The following POFUT3 variants were observed in gnomAD, a reference collection of about 807,000 sequenced individuals.
POFUT3 encodes protein O-fucosyltransferase 3.
At chr8:33,320,021 T>C in the POFUT3 span, among the ~76,000 whole-genome samples, 1 of 151,530 alleles carries the variant, frequency 6.6e-6, no homozygotes, top group African/African-American at 2.4e-5. Flanking sequence ...ATCCTCTGCT[T>C]ATAGCTTTGT....
At chr8:33,328,958 A>G in the POFUT3 span, among the ~76,000 whole-genome samples, 1 of 152,090 alleles carries the variant, frequency 6.6e-6, no homozygotes, top group African/African-American at 2.4e-5. Context: ...AAATTCTCTC[A>G]TTTTACCTAA....
the POFUT3 span, among the ~76,000 whole-genome samples, chr8:33,334,012 C>T: frequency 6.6e-6 from 1 of 152,284 alleles, no homozygotes; most frequent in East Asian, 1.9e-4. Flanking sequence ...GACAATCCAA[C>T]ATGCACTAAG....
At chr8:33,415,629 C>G in the POFUT3 span, among the ~76,000 whole-genome samples, 1 of 152,146 alleles carries the variant, frequency 6.6e-6, no homozygotes, top group Non-Finnish European at 1.5e-5. Flanking sequence ...AATCTTCAGA[C>G]TTGGTTTCAT....
chr8:33,444,243 T>C, the POFUT3 span, among the ~76,000 whole-genome samples: 1 of 152,024 alleles, frequency 6.6e-6, no homozygotes, highest in Non-Finnish European at 1.5e-5. Context: ...AAATGTCATC[T>C]GGGCACAGAT....
chr8:33,401,321 G>A, the POFUT3 span, among the ~76,000 whole-genome samples: 1 of 152,006 alleles, frequency 6.6e-6, no homozygotes, highest in African/African-American at 2.4e-5. Flanking sequence ...GTCATTAAAT[G>A]GTGTGTTGAT....
chr8:33,436,000 G>A, the POFUT3 span, among the ~76,000 whole-genome samples: 1 of 152,100 alleles, frequency 6.6e-6, no homozygotes, highest in Non-Finnish European at 1.5e-5. Context: ...AGGCAGGGAG[G>A]AGACAGCACA....
the POFUT3 span, among the ~76,000 whole-genome samples, chr8:33,448,873 T>A: frequency 6.6e-5 from 10 of 151,720 alleles, no homozygotes; most frequent in Admixed American, 4.6e-4. Flanking sequence ...GGCGGAGGTT[T>A]CAGTGAGCTG....
chr8:33,333,454 C>T, the POFUT3 span, among the ~76,000 whole-genome samples: 1 of 152,040 alleles, frequency 6.6e-6, no homozygotes, highest in Non-Finnish European at 1.5e-5. Flanking sequence ...AGAATAATCC[C>T]AAACACAATA....
At chr8:33,386,575 C>T in the POFUT3 span, among the ~76,000 whole-genome samples, 1 of 152,186 alleles carries the variant, frequency 6.6e-6, no homozygotes, top group Non-Finnish European at 1.5e-5. Flanking sequence ...CTTTGTGAGG[C>T]TGAGGCGGGA....
the POFUT3 span, among the ~76,000 whole-genome samples, chr8:33,464,815 T>C: frequency 2.0e-5 from 3 of 152,020 alleles, no homozygotes; most frequent in Non-Finnish European, 2.9e-5. Flanking sequence ...AGAAATACTA[T>C]AAAATTACCA....
At chr8:33,409,152 G>C in the POFUT3 span, among the ~76,000 whole-genome samples, 2 of 152,106 alleles carry the variant, frequency 1.3e-5, no homozygotes, top group African/African-American at 4.8e-5. Context: ...GCCCAGGCTG[G>C]TGTGTAGTGT....
the POFUT3 span, among the ~76,000 whole-genome samples, chr8:33,324,728 A>T: frequency 6.9e-6 from 1 of 145,492 alleles, no homozygotes. Context: ...CCCCAACCCC[A>T]CTCTTCTCCC....
At chr8:33,351,785 T>C in the POFUT3 span, among the ~76,000 whole-genome samples, 4 of 151,948 alleles carry the variant, frequency 2.6e-5, no homozygotes, top group African/African-American at 9.7e-5. Context: ...TGAGAAACAT[T>C]ACAGAGTGAG....
At chr8:33,398,780 G>A in the POFUT3 span, among the ~76,000 whole-genome samples, 4 of 152,118 alleles carry the variant, frequency 2.6e-5, no homozygotes, top group Admixed American at 6.5e-5. Flanking sequence ...CACTGAAGAC[G>A]ATCTCAGATA....
chr8:33,455,947 G>C, the POFUT3 span: 1 of 405,362 alleles, frequency 2.5e-6, no homozygotes, highest in African/African-American at 2.1e-5. Flanking sequence ...CAGCACTCCA[G>C]AAGGAGTAAG....
chr8:33,380,859 C>T, the POFUT3 span, among the ~76,000 whole-genome samples: 1 of 145,478 alleles, frequency 6.9e-6, no homozygotes, highest in African/African-American at 2.6e-5. Context: ...AAATGCCAGG[C>T]ACTGTGGCTC....
the POFUT3 span, among the ~76,000 whole-genome samples, chr8:33,353,467 C>T: frequency 2.6e-5 from 4 of 152,298 alleles, no homozygotes; most frequent in African/African-American, 7.2e-5. Context: ...GCAGAAACCC[C>T]GGAGTTCTAC....
At chr8:33,371,306 A>G in the POFUT3 span, 1 of 152,194 alleles carries the variant, frequency 6.6e-6, no homozygotes, top group East Asian at 1.9e-4. Context: ...CCTTTCTCAC[A>G]CGCTGGCTGA....
chr8:33,410,975 C>A, the POFUT3 span, among the ~76,000 whole-genome samples: 9 of 152,160 alleles, frequency 5.9e-5, no homozygotes, highest in African/African-American at 2.2e-4. Context: ...GGTTTCCTAT[C>A]ATACCATCAA....
Sources: allele counts gnomAD v4.1 joint callset (sites outside exome capture counted in the v4.1 genomes callset), GRCh38; gene constraint gnomAD v4.1.1; transcripts MANE v1.5; gene names NCBI Gene and HGNC (gene_info 2026-07-23, HGNC 2026-07-21).